CDH19: variants seen among roughly 807,000 people sequenced by gnomAD.
CDH19 encodes the protein cadherin-19.
In CDH19, 67 loss-of-function variants were observed where a neutral mutation model predicts 64.2. The observed-to-expected ratio is 1.04, with a 90% CI of 0.86 to 1.28. The LOEUF is 1.28. Ranked by LOEUF, CDH19 falls within the 50% of genes most tolerant of loss-of-function variation. The pLI is 0.00. For synonymous variants in CDH19, 346 were observed against 319.3 expected, an observed-to-expected ratio of 1.08 and a Z score of -0.89; for missense variants, 1,030 against 929.0, an observed-to-expected ratio of 1.11 and a Z score of -1.41.
chr18:66,518,230 CTTAT>C (rs1453541743), intron 9 of CDH19, among the ~76,000 whole-genome samples: 1 of 151,640 alleles, frequency 6.6e-6, no homozygotes, highest in African/African-American at 2.4e-5. Flanking sequence ...TTATTCATTA[CTTAT>C]TTATTTATTT....
At chr18:66,531,067 G>A (rs1242793230) in intron 8 of CDH19, among the ~76,000 whole-genome samples, 1 of 152,058 alleles carries the variant, frequency 6.6e-6, no homozygotes, top group Non-Finnish European at 1.5e-5. Context: ...AGTGATAGCT[G>A]AGTGCTGAAA....
chr18:66,579,138 C>T (rs944830579), intron 1 of CDH19, among the ~76,000 whole-genome samples: 3 of 151,688 alleles, frequency 2.0e-5, no homozygotes, highest in African/African-American at 7.3e-5. Context: ...ATTATTGTGC[C>T]AATTATACTT....
At chr18:66,521,822 A>C (rs1045892760) in intron 9 of CDH19, among the ~76,000 whole-genome samples, 1 of 151,056 alleles carries the variant, frequency 6.6e-6, no homozygotes, top group Non-Finnish European at 1.5e-5. Flanking sequence ...GTGCTGGGAT[A>C]ACAGGTGTCA....
At chr18:66,506,296 G>A (rs1276605640) in intron 11 of CDH19, among the ~76,000 whole-genome samples, 1 of 151,852 alleles carries the variant, frequency 6.6e-6, no homozygotes, top group Non-Finnish European at 1.5e-5. Context: ...TTTCAAAATA[G>A]GTAGAAGAGA....
At chr18:66,602,540 G>C (rs1290585655) in intron 1 of CDH19, among the ~76,000 whole-genome samples, 1 of 151,794 alleles carries the variant, frequency 6.6e-6, no homozygotes, top group Non-Finnish European at 1.5e-5. Flanking sequence ...ATAAGTAGAA[G>C]ACATATGCTT....
chr18:66,537,466 A>G (rs1986719138), intron 7 of CDH19, among the ~76,000 whole-genome samples: 1 of 151,960 alleles, frequency 6.6e-6, no homozygotes, highest in Non-Finnish European at 1.5e-5. Flanking sequence ...ATGAATGGTG[A>G]TATTAACATT....
At position 66,592,221 on chromosome 18, in the gene CDH19, T is replaced by G. The variant is rs979765145; in HGVS notation, c.-113+11733A>C. On this transcript the variant is annotated intron_variant, in intron 1 of 11. Transcript: ENST00000262150. The stretch of plus-strand genomic sequence containing the variant: ...CCTCCAAGTTCTTAATTCATAATAA[T>G]TTTAAAATCTTTATTTTGTACATAT... 2.6e-5 allele frequency among the ~76,000 whole-genome samples: 4 copies of G among 151,768 alleles called. No homozygotes were observed. In the East Asian group the frequency reaches 7.7e-4, roughly 29 times the overall value.
chr18:66,580,427 G>A (rs979097076), intron 1 of CDH19, among the ~76,000 whole-genome samples: 2 of 151,916 alleles, frequency 1.3e-5, no homozygotes, highest in Non-Finnish European at 2.9e-5. Flanking sequence ...CAATTACAAG[G>A]CAATGTCCCA....
At chr18:66,508,862 T>A (rs1275056744) in intron 11 of CDH19, 133 bp downstream of exon 11, 7 of 976,904 alleles carry the variant, frequency 7.2e-6, no homozygotes, top group Non-Finnish European at 1.0e-5. Context: ...CAGACCCACA[T>A]TATAATGCTA....
intron 1 of CDH19, among the ~76,000 whole-genome samples, chr18:66,597,162 T>TAAAA (rs71169160): frequency 9.3e-5 from 8 of 86,294 alleles, no homozygotes; most frequent in Non-Finnish European, 1.0e-4. Flanking sequence ...AATCTTAAGT[T>TAAAA]AAAAAAAAAA....
chr18:66,595,560 T>G (rs1380627476), intron 1 of CDH19, among the ~76,000 whole-genome samples: 1 of 124,686 alleles, frequency 8.0e-6, no homozygotes, highest in Non-Finnish European at 1.6e-5. Flanking sequence ...GCACACATAG[T>G]AGAAAACCTA....
intron 5 of CDH19, among the ~76,000 whole-genome samples, chr18:66,550,127 T>C (rs1987286541): frequency 6.6e-6 from 1 of 152,162 alleles, no homozygotes. Flanking sequence ...TTAAATTTTC[T>C]TCCTAGCATG....
intron 1 of CDH19, among the ~76,000 whole-genome samples, chr18:66,594,063 T>C (rs1011509790): frequency 6.6e-6 from 1 of 151,962 alleles, no homozygotes; most frequent in African/African-American, 2.4e-5. Context: ...AGGCTCAAAG[T>C]AGAGGAATGG....
At chr18:66,574,504 A>C (rs2144587648) in intron 1 of CDH19, among the ~76,000 whole-genome samples, 1 of 151,858 alleles carries the variant, frequency 6.6e-6, no homozygotes, top group Admixed American at 6.6e-5. Context: ...ACACTGAGAA[A>C]AAAAAACAGT....
intron 7 of CDH19, among the ~76,000 whole-genome samples, chr18:66,539,722 C>A (rs944026676): frequency 1.3e-5 from 2 of 151,848 alleles, no homozygotes; most frequent in Non-Finnish European, 2.9e-5. Flanking sequence ...CTGTAGTTTT[C>A]TTTGCTTGTT....
chr18:66,574,309 G>C (rs1455063495), intron 1 of CDH19, among the ~76,000 whole-genome samples: 3 of 151,508 alleles, frequency 2.0e-5, no homozygotes, highest in Non-Finnish European at 4.4e-5. Context: ...AATATTCATA[G>C]CCAATCCTAT....
intron 3 of CDH19, among the ~76,000 whole-genome samples, chr18:66,559,990 G>T (rs1413477793): frequency 6.6e-6 from 1 of 151,876 alleles, no homozygotes; most frequent in Non-Finnish European, 1.5e-5. Flanking sequence ...GGAAAAACAA[G>T]GACCAAGTAT....
At chr18:66,558,198 G>A (rs1310328934) in intron 3 of CDH19, among the ~76,000 whole-genome samples, 1 of 148,786 alleles carries the variant, frequency 6.7e-6, no homozygotes, top group Non-Finnish European at 1.5e-5. Context: ...ATTTAAGAGG[G>A]CAAAAATATG....
chr18:66,597,031 G>T (rs1233512066), intron 1 of CDH19, among the ~76,000 whole-genome samples: 53 of 122,456 alleles, frequency 4.3e-4, no homozygotes, highest in Non-Finnish European at 7.5e-4. Context: ...GCAGTGAGCC[G>T]AGATCCCGCC....
Sources: gnomAD v4.1 joint callset for allele counts (sites outside exome capture counted in the v4.1 genomes callset) on GRCh38, gnomAD v4.1.1 for gene constraint, MANE v1.5 for transcripts, NCBI Gene and HGNC (gene_info 2026-07-23, HGNC 2026-07-21) for gene names.